GLIS3: variants seen among roughly 807,000 people sequenced by gnomAD.
GLIS3 encodes the protein zinc finger protein GLIS3.
In GLIS3, 53 loss-of-function variants were observed where a neutral mutation model predicts 78.6. The observed-to-expected ratio is 0.67, with a 90% CI of 0.54 to 0.85. GLIS3 has a LOEUF of 0.85. Ranked by LOEUF, GLIS3 falls within the 40% of genes least tolerant of loss-of-function variation. GLIS3 has a pLI of 0.00. For missense variants in GLIS3, 1,703 were observed against 1,231.1 expected (o/e 1.38, Z -5.74); for synonymous variants, 684 against 509.9 (o/e 1.34, Z -4.60).
At chr9:4,432,384 G>C in the GLIS3 span, among the ~76,000 whole-genome samples, 1 of 152,172 alleles carries the variant, frequency 6.6e-6, no homozygotes, top group East Asian at 1.9e-4. Context: ...ATGAGCAAAT[G>C]TATAGCAGCA....
chr9:3,838,639 A>C (rs1818515205), intron 9 of GLIS3, among the ~76,000 whole-genome samples: 1 of 152,214 alleles, frequency 6.6e-6, no homozygotes, highest in African/African-American at 2.4e-5. Context: ...CAGGGATTCA[A>C]ACACTCCCTG....
chr9:4,177,753 C>T (rs1471179201), intron 2 of GLIS3, among the ~76,000 whole-genome samples: 4 of 152,128 alleles, frequency 2.6e-5, no homozygotes, highest in East Asian at 3.8e-4. Flanking sequence ...GAAAGTGTTC[C>T]TGGTGGGTTT....
At chr9:4,348,731 G>A (rs921782499), upstream of GLIS3, among the ~76,000 whole-genome samples, 1 of 151,892 alleles carries the variant, frequency 6.6e-6, no homozygotes, top group African/African-American at 2.4e-5. Context: ...TAAAAGTTAT[G>A]TTTTAGAGGA....
In GLIS3 at chr9:3,827,501, AC is replaced by A. The variant is rs2129912647; in HGVS notation, c.*770del. The A allele has an allele frequency of 6.6e-6, 1 of 152,524 alleles. No homozygotes were observed. The highest frequency in any genetic ancestry group is 1.9e-4 in the East Asian group (1 of 5,186). The allele number at this position is 152,524 out of a possible 1,614,324, so 9.4% of individuals were successfully genotyped here. On this transcript the variant is annotated 3_prime_UTR_variant, in exon 11 of 11. Transcript: ENST00000381971. ...TCAGGTAACCTTTGCTAACTGCAAA[AC>A]TAACATGCTAGAGGTGGGGCCAGGC...
the GLIS3 span, among the ~76,000 whole-genome samples, chr9:4,458,359 G>C: frequency 6.6e-6 from 1 of 152,226 alleles, no homozygotes; most frequent in East Asian, 1.9e-4. Context: ...TGTGGAGAGA[G>C]TCAAATAATG....
chr9:4,076,019 T>C (rs1397049621), intron 4 of GLIS3, among the ~76,000 whole-genome samples: 2 of 152,234 alleles, frequency 1.3e-5, no homozygotes, highest in Non-Finnish European at 2.9e-5. Context: ...TGTGAGGTGA[T>C]GGAAATGTTC....
chr9:4,193,823 C>T (rs1414637561), intron 2 of GLIS3, among the ~76,000 whole-genome samples: 3 of 152,186 alleles, frequency 2.0e-5, no homozygotes, highest in African/African-American at 4.8e-5. Context: ...TTCATTTTAC[C>T]TCTGCACATT....
intron 2 of GLIS3, among the ~76,000 whole-genome samples, chr9:4,230,405 C>G (rs1822151440): frequency 6.6e-6 from 1 of 152,154 alleles, no homozygotes; most frequent in Non-Finnish European, 1.5e-5. Flanking sequence ...TGGCTCACTC[C>G]TTCAAGCCAA....
At chr9:4,374,964 T>G in the GLIS3 span, among the ~76,000 whole-genome samples, 1 of 151,810 alleles carries the variant, frequency 6.6e-6, no homozygotes, top group African/African-American at 2.4e-5. Context: ...ATTTACAATT[T>G]GCAACAGTTT....
In GLIS3 at chr9:3,977,040, C is replaced by G. The variant is rs1281388853; in HGVS notation, c.1711-39851G>C. On this transcript the variant is annotated intron_variant, in intron 4 of 10. Transcript: ENST00000381971. The surrounding 1 kb of genome is among the most constrained non-coding windows in gnomAD (Gnocchi z 4.1). ...TTAGCTAAAATTTCAGATAACGCAG[C>G]CTTCTGTCATGTTCTCCTACTCTGA... Among the ~76,000 whole-genome samples, 11 of 152,014 alleles carry G rather than the reference C, an allele frequency of 7.2e-5. No individual in the cohort carries two copies.
At chr9:4,186,460 T>G (rs4322056) in intron 2 of GLIS3, among the ~76,000 whole-genome samples, 2 of 151,552 alleles carry the variant, frequency 1.3e-5, no homozygotes, top group Non-Finnish European at 2.9e-5. Flanking sequence ...AATAAACATA[T>G]GTGTGCATGT....
chr9:4,087,782 T>C (rs1829159770), intron 4 of GLIS3, among the ~76,000 whole-genome samples: 1 of 152,220 alleles, frequency 6.6e-6, no homozygotes, highest in Admixed American at 6.5e-5. Flanking sequence ...GTACCAATCC[T>C]GCTACACAGT....
At chr9:3,901,212 C>T (rs1823271676) in intron 6 of GLIS3, 3 of 174,276 alleles carry the variant, frequency 1.7e-5, no homozygotes, top group Non-Finnish European at 3.6e-5. Context: ...ACTCAGCCCG[C>T]TCGCACCGGA....
At chr9:4,281,489 G>C (rs1827546409) in intron 2 of GLIS3, among the ~76,000 whole-genome samples, 1 of 152,136 alleles carries the variant, frequency 6.6e-6, no homozygotes, top group Non-Finnish European at 1.5e-5. Context: ...CTGACTATAT[G>C]AATTTGACCA....
At chr9:4,240,762 T>C (rs1190825530) in intron 2 of GLIS3, among the ~76,000 whole-genome samples, 1 of 152,154 alleles carries the variant, frequency 6.6e-6, no homozygotes, top group Non-Finnish European at 1.5e-5. Flanking sequence ...ATACTAGGCT[T>C]AATAGCTGGG....
intron 9 of GLIS3, among the ~76,000 whole-genome samples, chr9:3,843,782 C>T (rs1347415677): frequency 6.6e-6 from 1 of 152,072 alleles, no homozygotes; most frequent in African/African-American, 2.4e-5. Flanking sequence ...ATTCAGATTC[C>T]CTGAATGATT....
At chr9:3,920,247 C>T (rs1824794502) in intron 6 of GLIS3, among the ~76,000 whole-genome samples, 1 of 152,150 alleles carries the variant, frequency 6.6e-6, no homozygotes, top group Non-Finnish European at 1.5e-5. Flanking sequence ...TCGTGATCCA[C>T]CCGCCTCGGC....
intron 2 of GLIS3, among the ~76,000 whole-genome samples, chr9:4,342,872 G>C (rs952230523): frequency 2.0e-5 from 3 of 152,172 alleles, no homozygotes; most frequent in African/African-American, 7.2e-5. Context: ...GAATGGGATT[G>C]TGTTCTTGAT....
At chr9:4,276,037 C>T (rs1826948300) in intron 2 of GLIS3, among the ~76,000 whole-genome samples, 1 of 151,934 alleles carries the variant, frequency 6.6e-6, no homozygotes, top group African/African-American at 2.4e-5. Context: ...AATCCTAGCA[C>T]TTTGGAAGGC....
Sources: gnomAD v4.1 joint callset for allele counts (sites outside exome capture counted in the v4.1 genomes callset) on GRCh38, gnomAD v4.1.1 for gene constraint, Gnocchi (gnomAD v3.1) non-coding constraint, MANE v1.5 for transcripts, NCBI Gene and HGNC (gene_info 2026-07-23, HGNC 2026-07-21) for gene names.